WWC2: variants seen among roughly 807,000 people sequenced by gnomAD.
WWC2 encodes the protein WW and C2 domain containing 2.
A neutral mutation model predicts 138.5 loss-of-function variants in WWC2; 101 were observed. The observed-to-expected ratio is 0.73, with a 90% CI of 0.62 to 0.86. WWC2 has a LOEUF of 0.86. Ranked by LOEUF, WWC2 falls within the 40% of genes least tolerant of loss-of-function variation. WWC2 has a pLI of 0.00. For missense variants in WWC2, 1,420 were observed against 1,419.4 expected, an observed-to-expected ratio of 1.00 and a Z score of -0.01; for synonymous variants, 558 against 538.4, an observed-to-expected ratio of 1.04 and a Z score of -0.50.
chr4:183,151,691 T>G (rs986175688), intron 1 of WWC2, among the ~76,000 whole-genome samples: 1 of 152,256 alleles, frequency 6.6e-6, no homozygotes, highest in African/African-American at 2.4e-5. Context: ...TTTAAGTCTT[T>G]AATCCATCTT....
chr4:183,151,779 C>T (rs1019484174), intron 1 of WWC2, among the ~76,000 whole-genome samples: 1 of 152,160 alleles, frequency 6.6e-6, no homozygotes, highest in Admixed American at 6.5e-5. Context: ...TTTCCCAGCA[C>T]CACTTATTAA....
At chr4:183,149,454 C>A (rs75194414) in intron 1 of WWC2, among the ~76,000 whole-genome samples, 1 of 152,028 alleles carries the variant, frequency 6.6e-6, no homozygotes, top group Admixed American at 6.6e-5. Flanking sequence ...GAAACCCCAT[C>A]TCTACTGAAA....
chr4:183,212,794 T>A (rs1735642375), intron 4 of WWC2, among the ~76,000 whole-genome samples: 1 of 152,170 alleles, frequency 6.6e-6, no homozygotes, highest in East Asian at 1.9e-4. Flanking sequence ...AAATCCCAAG[T>A]GGTCACATTC....
At position 183,318,050 on chromosome 4, in the gene WWC2, C is replaced by T. The variant is rs1433084621; in HGVS notation, c.*2321C>T. 3.3e-5 allele frequency: 5 copies of T among 152,086 alleles called. No homozygotes were observed. The highest frequency in any genetic ancestry group is 5.9e-5 in the Non-Finnish European group (4 of 67,998). 9.4% of individuals were successfully genotyped at this position (152,086 alleles called of 1,614,324 possible). A position where few individuals can be genotyped will look rare whatever the true frequency, so the allele number is the denominator to read the frequency against. On this transcript the variant is annotated 3_prime_UTR_variant, in exon 23 of 23. Transcript: ENST00000403733. ...TCACAGTGACAAAACATTTTAATAA[C>T]TTGATCACAAAACCATATGGACAAA...
intron 2 of WWC2, among the ~76,000 whole-genome samples, chr4:183,197,318 AATCTT>A (rs1190492868): frequency 3.3e-5 from 5 of 152,246 alleles, no homozygotes; most frequent in African/African-American, 1.2e-4. Flanking sequence ...TTGTCTCATT[AATCTT>A]CAAGACATTC....
At chr4:183,260,665 G>A (rs532822895) in intron 10 of WWC2, among the ~76,000 whole-genome samples, 4 of 152,300 alleles carry the variant, frequency 2.6e-5, no homozygotes, top group African/African-American at 9.6e-5. Context: ...TACCGTCTAG[G>A]TTTGTGTAAG....
At chr4:183,237,574 C>T (rs2111303621) in intron 4 of WWC2, among the ~76,000 whole-genome samples, 1 of 152,252 alleles carries the variant, frequency 6.6e-6, no homozygotes, top group Admixed American at 6.5e-5. Context: ...TAATCCTTTC[C>T]TCCTTTGAGT....
intron 1 of WWC2, among the ~76,000 whole-genome samples, chr4:183,174,504 G>A (rs923656645): frequency 6.6e-6 from 1 of 152,084 alleles, no homozygotes; most frequent in Non-Finnish European, 1.5e-5. Context: ...GTTCTCATCC[G>A]CTGACCTTCC....
At chr4:183,185,945 ATTTTTTT>A (rs546555995) in intron 1 of WWC2, among the ~76,000 whole-genome samples, 2 of 131,246 alleles carry the variant, frequency 1.5e-5, no homozygotes, top group Non-Finnish European at 3.3e-5. Context: ...TTTAACATAG[ATTTTTTT>A]TTTTTTTTTT....
intron 9 of WWC2, among the ~76,000 whole-genome samples, chr4:183,257,272 G>A (rs1382907395): frequency 1.3e-5 from 2 of 152,128 alleles, no homozygotes; most frequent in African/African-American, 2.4e-5. Context: ...AAAGCAAATA[G>A]GTGGGGGCAT....
rs758768076 is a variant in WWC2, at chr4:183,185,452, A to G, written c.132-8147A>G. ...TTGCTATTTGGTTTACAAATCACGT[A>G]AAAAAGAGGAAAGTATTTTTCAAAA... On this transcript the variant is annotated intron_variant, in intron 1 of 22. Transcript: ENST00000403733. Among the ~76,000 whole-genome samples, 3 of 152,224 alleles carry G rather than the reference A, an allele frequency of 2.0e-5. No individual in the cohort carries two copies. In the East Asian group the frequency reaches 5.8e-4, roughly 29 times the overall value.
chr4:183,174,362 G>A (rs1298932204), intron 1 of WWC2, among the ~76,000 whole-genome samples: 2 of 152,162 alleles, frequency 1.3e-5, no homozygotes, highest in East Asian at 1.9e-4. Context: ...TTCCTGAGCC[G>A]TTTCAGGCTT....
At chr4:183,256,548 AG>A (rs1737148138) in intron 9 of WWC2, among the ~76,000 whole-genome samples, 1 of 151,978 alleles carries the variant, frequency 6.6e-6, no homozygotes, top group African/African-American at 2.4e-5. Flanking sequence ...GGAGTTTAAG[AG>A]GGAAGAGAAC....
At position 183,250,666 on chromosome 4, in the gene WWC2, A is replaced by G. The variant is rs576698031; in HGVS notation, c.953+673A>G. On this transcript the variant is annotated intron_variant, in intron 8 of 22. Transcript: ENST00000403733. ...GATAGACTCAAATACTTTTCATAAT[A>G]TAGAACTCCTTATTATGAGGGAAAG... Among the ~76,000 whole-genome samples the G allele has an allele frequency of 4.6e-5, 7 of 152,274 alleles. No homozygotes were observed. In the South Asian group the frequency reaches 6.2e-4, roughly 14 times the overall value.
intron 1 of WWC2, among the ~76,000 whole-genome samples, chr4:183,146,901 A>T (rs1249733092): frequency 1.3e-5 from 2 of 152,224 alleles, no homozygotes; most frequent in Middle Eastern, 3.2e-3. Context: ...TTAGTCAATC[A>T]TGGGAGGGTA....
intron 1 of WWC2, among the ~76,000 whole-genome samples, chr4:183,190,823 A>G (rs549272378): frequency 6.6e-6 from 1 of 152,198 alleles, no homozygotes; most frequent in African/African-American, 2.4e-5. Context: ...TCAAGTTACT[A>G]TTAACTTGTA....
At chr4:183,117,790 CTT>C (rs758829778) in intron 1 of WWC2, among the ~76,000 whole-genome samples, 38 of 135,574 alleles carry the variant, frequency 2.8e-4, no homozygotes, top group East Asian at 4.4e-4. Context: ...GATTGGGGAT[CTT>C]TTTTTTTTTT....
intron 16 of WWC2, among the ~76,000 whole-genome samples, chr4:183,279,070 A>G (rs1397374056): frequency 6.6e-6 from 1 of 152,022 alleles, no homozygotes; most frequent in Non-Finnish European, 1.5e-5. Context: ...TTTCAAAGGG[A>G]ATGCTTCCAG....
At chr4:183,200,613 G>T (rs1735269900) in intron 2 of WWC2, among the ~76,000 whole-genome samples, 1 of 152,106 alleles carries the variant, frequency 6.6e-6, no homozygotes, top group Admixed American at 6.5e-5. Flanking sequence ...GTCATCTCAA[G>T]GCTGACTGGA....
Sources: gnomAD v4.1 joint callset for allele counts (sites outside exome capture counted in the v4.1 genomes callset) on GRCh38, gnomAD v4.1.1 for gene constraint, MANE v1.5 for transcripts, NCBI Gene and HGNC (gene_info 2026-07-23, HGNC 2026-07-21) for gene names.